Variants in YPEL2 observed in about 807,000 individuals in gnomAD.
YPEL2 encodes the protein protein yippee-like 2.
In YPEL2, 2 loss-of-function variants were observed where a neutral mutation model predicts 19.1. The ratio of observed to expected loss-of-function variants is 0.10; its 90% CI spans 0.04 to 0.33. YPEL2 has a LOEUF of 0.33. YPEL2 is among the 10% of genes least tolerant of loss of function. The probability of loss-of-function intolerance (pLI) is 1.00; values close to 1 mark genes in which losing one functional copy is unlikely to be tolerated. For missense variants in YPEL2, 66 were observed against 140.7 expected (o/e 0.47, Z 2.68); for synonymous variants, 52 against 50.0 (o/e 1.04, Z -0.17).
chr17:59,369,427 T>C (rs1432642093), intron 2 of YPEL2, among the ~76,000 whole-genome samples: 2 of 152,202 alleles, frequency 1.3e-5, no homozygotes, highest in Non-Finnish European at 2.9e-5. Flanking sequence ...TCTGAGGGTC[T>C]GAGAGTGTTG....
chr17:59,375,280 A>G (rs1376068531), intron 2 of YPEL2, among the ~76,000 whole-genome samples: 1 of 152,088 alleles, frequency 6.6e-6, no homozygotes, highest in Non-Finnish European at 1.5e-5. Flanking sequence ...GAGATCCTTC[A>G]CTGTACCCAA....
chr17:59,372,977 GAT>G (rs2047903997), intron 2 of YPEL2, among the ~76,000 whole-genome samples: 1 of 152,160 alleles, frequency 6.6e-6, no homozygotes. Context: ...AGGCTCAAGT[GAT>G]TCTCCTGCCT....
intron 2 of YPEL2, among the ~76,000 whole-genome samples, chr17:59,382,214 G>A (rs2047952944): frequency 6.6e-6 from 1 of 152,218 alleles, no homozygotes; most frequent in Non-Finnish European, 1.5e-5. Flanking sequence ...AAGGGAACCT[G>A]AGTGGCTATG....
At chr17:59,347,224 G>A (rs1448016414) in intron 1 of YPEL2, among the ~76,000 whole-genome samples, 2 of 152,214 alleles carry the variant, frequency 1.3e-5, no homozygotes, top group Non-Finnish European at 2.9e-5. Flanking sequence ...GTCCAGAGAG[G>A]TTAGGTAATT....
intron 2 of YPEL2, among the ~76,000 whole-genome samples, chr17:59,381,301 C>T (rs968428742): frequency 7.9e-5 from 12 of 152,120 alleles, no homozygotes; most frequent in African/African-American, 2.7e-4. Flanking sequence ...GGCAGGTGGG[C>T]GTCTGCTTTC....
intron 1 of YPEL2, among the ~76,000 whole-genome samples, chr17:59,340,068 CT>C (rs2047720112): frequency 6.6e-6 from 1 of 151,432 alleles, no homozygotes; most frequent in Non-Finnish European, 1.5e-5. Flanking sequence ...GGTTTGCAAT[CT>C]AGTGGGAAGT....
chr17:59,384,579 T>A (rs2047971178), intron 2 of YPEL2, among the ~76,000 whole-genome samples: 1 of 152,236 alleles, frequency 6.6e-6, no homozygotes, highest in Non-Finnish European at 1.5e-5. Context: ...TACCTATACA[T>A]ACAGGACACA....
intron 4 of YPEL2, among the ~76,000 whole-genome samples, chr17:59,392,348 C>T (rs894272596): frequency 6.6e-6 from 1 of 152,118 alleles, no homozygotes; most frequent in Non-Finnish European, 1.5e-5. Flanking sequence ...CAGTGTCTGT[C>T]CTCAAAGTGT....
At chr17:59,337,424 C>A (rs527379483) in intron 1 of YPEL2, among the ~76,000 whole-genome samples, 87 of 152,012 alleles carry the variant, frequency 5.7e-4, no homozygotes, top group Admixed American at 2.4e-3. Context: ...CTCCTGACCT[C>A]GTGATCCGCC....
chr17:59,340,244 G>A (rs1389537301), intron 1 of YPEL2, among the ~76,000 whole-genome samples: 1 of 151,828 alleles, frequency 6.6e-6, no homozygotes, highest in Non-Finnish European at 1.5e-5. Flanking sequence ...GAGTAGCTGG[G>A]ATTACAGGCA....
chr17:59,387,134 C>G (rs949662868), intron 2 of YPEL2, among the ~76,000 whole-genome samples: 1 of 151,850 alleles, frequency 6.6e-6, no homozygotes, highest in South Asian at 2.1e-4. Flanking sequence ...GTGGTGCACA[C>G]CTGTGGTCCC....
chr17:59,331,868 T>C (rs1211020313), intron 1 of YPEL2, 44 bp downstream of exon 1: 1 of 151,166 alleles, frequency 6.6e-6, no homozygotes, highest in African/African-American at 2.4e-5. Flanking sequence ...CGCGTGGGCG[T>C]GGGGCGCGCT....
chr17:59,341,558 C>T (rs2047731118), intron 1 of YPEL2, among the ~76,000 whole-genome samples: 6 of 151,928 alleles, frequency 3.9e-5, no homozygotes, highest in Admixed American at 6.6e-5. Context: ...ACTTGGGAGG[C>T]GGAGGCAGGA....
In YPEL2 at chr17:59,353,174, C is replaced by T. The variant is rs1419936843; in HGVS notation, c.-195-41C>T. ...TCTGCTTGCTTTGTAGGGAGCCCTG[C>T]TCCATCAGCCAATGTTAGTCCTCTT... is the stretch of plus-strand genomic sequence containing the variant. On this transcript the variant is annotated intron_variant, in intron 1 of 4. Coordinates refer to ENST00000312655, the MANE Select transcript of YPEL2 (RefSeq NM_001005404.4). This position sits in a 1 kb window ranked among gnomAD's most constrained non-coding sequence, Gnocchi z 4.8. 2.5e-6 allele frequency: 1 copy of T among 397,874 alleles called. No individual in the cohort carries two copies. Among genetic ancestry groups the T allele is most frequent in the East Asian group, 4.3e-5 (1 of 23,398 alleles). 24.6% of individuals were successfully genotyped at this position (397,874 alleles called of 1,614,324 possible).
At chr17:59,370,080 G>A (rs747708477) in intron 2 of YPEL2, among the ~76,000 whole-genome samples, 6 of 152,140 alleles carry the variant, frequency 3.9e-5, no homozygotes, top group Non-Finnish European at 5.9e-5. Context: ...TTTTTGAGAC[G>A]GAGTCTCGCT....
chr17:59,376,518 AGATAGTTT>A (rs1393845478), intron 2 of YPEL2, among the ~76,000 whole-genome samples: 1 of 152,160 alleles, frequency 6.6e-6, no homozygotes, highest in Non-Finnish European at 1.5e-5. Context: ...ATGTCCGGCC[AGATAGTTT>A]GACCTTAGGC....
rs765152498 is a variant in YPEL2, at chr17:59,353,841, G to T, written c.117+315G>T. 18 of 374,316 alleles carry T rather than the reference G, an allele frequency of 4.8e-5. No homozygotes were observed. The highest frequency in any genetic ancestry group is 8.3e-5 in the Non-Finnish European group (16 of 193,596). 23.2% of individuals were successfully genotyped at this position (374,316 alleles called of 1,614,324 possible). A position where few individuals can be genotyped will look rare whatever the true frequency, so the allele number is the denominator to read the frequency against. On this transcript the variant is annotated intron_variant, in intron 2 of 4. Transcript: ENST00000312655. This position sits in a 1 kb window ranked among gnomAD's most constrained non-coding sequence, Gnocchi z 4.8. ...CTCAGCTTGCTTGGTTTAGGTTGGC[G>T]GACGAAGAGTGAAGAGTGCTCCCTG...
intron 2 of YPEL2, among the ~76,000 whole-genome samples, chr17:59,367,886 G>C (rs116801588): frequency 6.6e-6 from 1 of 152,164 alleles, no homozygotes; most frequent in Admixed American, 6.5e-5. Flanking sequence ...GTGGGGCCCT[G>C]CTGAGGAGAG....
intron 4 of YPEL2, among the ~76,000 whole-genome samples, chr17:59,393,652 A>T (rs1267791434): frequency 6.8e-5 from 10 of 146,370 alleles, no homozygotes; most frequent in Admixed American, 4.8e-4. Context: ...TAGGCAGAGG[A>T]CCCTGCGGCC....
Sources: gnomAD v4.1 joint callset for allele counts (sites outside exome capture counted in the v4.1 genomes callset) on GRCh38, gnomAD v4.1.1 for gene constraint, Gnocchi (gnomAD v3.1) non-coding constraint, MANE v1.5 for transcripts, NCBI Gene and HGNC (gene_info 2026-07-23, HGNC 2026-07-21) for gene names.